Variants in TMEM178B observed in about 807,000 individuals in gnomAD.
TMEM178B encodes the protein transmembrane protein 178B.
A neutral mutation model predicts 31.0 loss-of-function variants in TMEM178B; 5 were observed. The observed-to-expected ratio is 0.16, with a 90% CI of 0.08 to 0.34. The LOEUF (loss-of-function observed/expected upper bound fraction) is 0.34. Ranked by LOEUF, TMEM178B falls within the 10% of genes least tolerant of loss-of-function variation. TMEM178B has a pLI of 1.00. For missense variants in TMEM178B, 275 were observed against 400.3 expected (o/e 0.69, Z 2.67); for synonymous variants, 164 against 164.0 (o/e 1.00, Z 0.00).
At chr7:141,336,939 C>A (rs1436126951) in intron 2 of TMEM178B, among the ~76,000 whole-genome samples, 8 of 121,064 alleles carry the variant, frequency 6.6e-5, no homozygotes, top group African/African-American at 2.4e-4. Context: ...ACCATCACCA[C>A]CACCATCACC....
intron 2 of TMEM178B, among the ~76,000 whole-genome samples, chr7:141,392,416 A>G (rs1340391899): frequency 6.6e-6 from 1 of 152,182 alleles, no homozygotes; most frequent in East Asian, 1.9e-4. Flanking sequence ...TGCCATATTA[A>G]CATCATCTTT....
At chr7:141,497,098 G>A in the TMEM178B span, among the ~76,000 whole-genome samples, 1 of 152,068 alleles carries the variant, frequency 6.6e-6, no homozygotes, top group Admixed American at 6.6e-5. Flanking sequence ...TGTAGCCAGC[G>A]GTGGAGGTGA....
intron 1 of TMEM178B, among the ~76,000 whole-genome samples, chr7:141,141,360 T>A (rs573680215): frequency 1.5e-4 from 23 of 152,308 alleles, no homozygotes; most frequent in Non-Finnish European, 2.5e-4. Context: ...TGCCCCAGTC[T>A]TGGAATCAGC....
chr7:141,235,454 G>A (rs114543270), intron 2 of TMEM178B, among the ~76,000 whole-genome samples: 3,978 of 152,136 alleles, frequency 0.026, 161 homozygotes, highest in African/African-American at 0.091. Flanking sequence ...ATTTATAACC[G>A]TCAATAAAAA....
chr7:141,377,585 C>T (rs1800240791), intron 2 of TMEM178B, among the ~76,000 whole-genome samples: 1 of 151,938 alleles, frequency 6.6e-6, no homozygotes, highest in Non-Finnish European at 1.5e-5. Context: ...ACAGGAGAAT[C>T]ACTGGAACCC....
intron 1 of TMEM178B, among the ~76,000 whole-genome samples, chr7:141,159,790 G>T (rs1462594389): frequency 6.6e-6 from 1 of 152,000 alleles, no homozygotes; most frequent in Non-Finnish European, 1.5e-5. Context: ...GAAGGTAGAA[G>T]GGTGGTCGTC....
At chr7:141,506,162 C>T in the TMEM178B span, among the ~76,000 whole-genome samples, 2 of 152,248 alleles carry the variant, frequency 1.3e-5, no homozygotes, top group Non-Finnish European at 2.9e-5. Context: ...TCAATCTCTG[C>T]TCTGCCACTT....
intron 1 of TMEM178B, among the ~76,000 whole-genome samples, chr7:141,178,271 C>T (rs747738792): frequency 5.9e-5 from 9 of 152,084 alleles, no homozygotes; most frequent in African/African-American, 9.7e-5. Context: ...ATATTGGCCC[C>T]CACAAAAACA....
intron 3 of TMEM178B, among the ~76,000 whole-genome samples, chr7:141,450,753 C>T (rs1801849187): frequency 6.6e-6 from 1 of 152,178 alleles, no homozygotes; most frequent in African/African-American, 2.4e-5. Flanking sequence ...CAACAGTAGA[C>T]ACTGTTCCAA....
At chr7:141,262,911 C>T (rs996322057) in intron 2 of TMEM178B, among the ~76,000 whole-genome samples, 3 of 152,242 alleles carry the variant, frequency 2.0e-5, no homozygotes, top group African/African-American at 7.2e-5. Flanking sequence ...TAGCATTCAG[C>T]CAGCATCAGC....
At chr7:141,331,818 G>T (rs1799305289) in intron 2 of TMEM178B, among the ~76,000 whole-genome samples, 1 of 152,206 alleles carries the variant, frequency 6.6e-6, no homozygotes. Flanking sequence ...TTGGGCCAGT[G>T]ATTGCATGGC....
chr7:141,375,971 T>G (rs1800206115), intron 2 of TMEM178B, among the ~76,000 whole-genome samples: 1 of 152,236 alleles, frequency 6.6e-6, no homozygotes, highest in South Asian at 2.1e-4. Context: ...ACCTGGGGAC[T>G]AAGGCAAGAT....
At chr7:141,343,578 G>A (rs1464034420) in intron 2 of TMEM178B, among the ~76,000 whole-genome samples, 1 of 131,414 alleles carries the variant, frequency 7.6e-6, no homozygotes, top group Admixed American at 8.9e-5. Context: ...CTGTCTCCCA[G>A]GCTGGAGTGC....
At chr7:141,333,814 T>A (rs1563154226) in intron 2 of TMEM178B, among the ~76,000 whole-genome samples, 1 of 152,186 alleles carries the variant, frequency 6.6e-6, no homozygotes, top group Non-Finnish European at 1.5e-5. Flanking sequence ...TCATCAGGTA[T>A]TAGTTAGAGT....
chr7:141,142,381 G>A (rs1358108659), intron 1 of TMEM178B, among the ~76,000 whole-genome samples: 1 of 151,748 alleles, frequency 6.6e-6, no homozygotes, highest in Non-Finnish European at 1.5e-5. Context: ...TATTTTGGTA[G>A]AACAATTTAT....
the TMEM178B span, among the ~76,000 whole-genome samples, chr7:141,510,896 C>G: frequency 6.6e-6 from 1 of 151,930 alleles, no homozygotes; most frequent in Non-Finnish European, 1.5e-5. Context: ...AGGGTGACAA[C>G]TGGGGGTACA....
At chr7:141,456,480 A>T (rs1228144494) in intron 3 of TMEM178B, among the ~76,000 whole-genome samples, 1 of 152,212 alleles carries the variant, frequency 6.6e-6, no homozygotes, top group Non-Finnish European at 1.5e-5. Context: ...AGAGAACCTT[A>T]TGACTACCAA....
intron 1 of TMEM178B, among the ~76,000 whole-genome samples, chr7:141,163,640 G>A (rs1216755572): frequency 2.0e-5 from 3 of 151,580 alleles, no homozygotes; most frequent in Non-Finnish European, 2.9e-5. Context: ...TCAGTCTGCC[G>A]AGTAGCTGGG....
intron 2 of TMEM178B, among the ~76,000 whole-genome samples, chr7:141,391,809 C>CTT (rs1800547747): frequency 2.0e-5 from 3 of 152,128 alleles, no homozygotes; most frequent in Non-Finnish European, 1.5e-5. Flanking sequence ...GCTCATTTCA[C>CTT]TTAGCATTAT....
Sources: allele counts gnomAD v4.1 joint callset (sites outside exome capture counted in the v4.1 genomes callset), GRCh38; gene constraint gnomAD v4.1.1; transcripts MANE v1.5; gene names NCBI Gene and HGNC (gene_info 2026-07-23, HGNC 2026-07-21).